SPRED2: variants seen among roughly 807,000 people sequenced by gnomAD.
SPRED2 encodes the protein sprouty-related, EVH1 domain-containing protein 2.
A neutral mutation model predicts 43.0 loss-of-function variants in SPRED2; 47 were observed. That is an observed-to-expected ratio of 1.09 (90% confidence interval 0.87 to 1.40). The LOEUF (loss-of-function observed/expected upper bound fraction) is 1.40. Ranked by LOEUF, SPRED2 falls within the 40% of genes most tolerant of loss-of-function variation. The pLI, the probability that SPRED2 is intolerant of heterozygous loss-of-function variation, is 0.00. For missense variants in SPRED2, 561 were observed against 586.4 expected (o/e 0.96, Z 0.45); for synonymous variants, 225 against 225.7 (o/e 1.00, Z 0.03).
At chr2:65,414,762 ATCT>A (rs753936931) in intron 1 of SPRED2, among the ~76,000 whole-genome samples, 3 of 152,214 alleles carry the variant, frequency 2.0e-5, no homozygotes, top group South Asian at 2.1e-4. Flanking sequence ...CTCAAAGTTG[ATCT>A]TCTTTAAATT....
rs61741513 is a variant in SPRED2 at position 65,344,863 on chromosome 2, A to G, written c.60T>C (p.Val20=). ...DSYIVRVKAV[V]MTRDDSSGGW... ...CCCCGCTGGAGTCATCTCTGGTCAT[A>G]ACCACAGCCTTGACACGCACAATAT... Residue 20 remains valine (V), a synonymous_variant, in exon 2 of 6, where the codon GTT becomes GTC. Coordinates refer to ENST00000356388, the MANE Select transcript of SPRED2 (RefSeq NM_181784.3). The G allele has an allele frequency of 0.025, 39,890 of 1,614,094 alleles. 647 individuals are homozygous for G. Among genetic ancestry groups the G allele is most frequent in the Middle Eastern group, 0.042 (256 of 6,062 alleles).
chr2:65,431,063 A>G (rs1292955351), intron 1 of SPRED2, among the ~76,000 whole-genome samples: 1 of 151,988 alleles, frequency 6.6e-6, no homozygotes. Context: ...GCGAGGCAGG[A>G]GGCAGCTGCA....
intron 1 of SPRED2, among the ~76,000 whole-genome samples, chr2:65,394,142 A>C (rs1249063752): frequency 1.3e-5 from 2 of 152,196 alleles, no homozygotes; most frequent in Admixed American, 6.5e-5. Context: ...TCTCCCTCAT[A>C]TGTAAATTTT....
chr2:65,340,245 G>A (rs1447209643), intron 2 of SPRED2, among the ~76,000 whole-genome samples: 8 of 152,192 alleles, frequency 5.3e-5, no homozygotes, highest in Admixed American at 1.3e-4. Flanking sequence ...ATTTTGGAGT[G>A]TAAAGGGATC....
At chr2:65,328,585 C>T (rs1053419572) in intron 4 of SPRED2, among the ~76,000 whole-genome samples, 9 of 152,140 alleles carry the variant, frequency 5.9e-5, no homozygotes, top group South Asian at 2.1e-4. Flanking sequence ...ATGCCAGGGA[C>T]AGTAATGGTT....
intron 1 of SPRED2, chr2:65,377,472 C>T: frequency 2.4e-6 from 1 of 422,166 alleles, no homozygotes; most frequent in South Asian, 1.7e-5. Context: ...TTGCCGACCC[C>T]CCAAAGCCTC....
chr2:65,399,353 G>C (rs1279140933), intron 1 of SPRED2, among the ~76,000 whole-genome samples: 1 of 149,428 alleles, frequency 6.7e-6, no homozygotes, highest in Non-Finnish European at 1.5e-5. Context: ...GGCATTTGCA[G>C]CAACCTGGAT....
intron 1 of SPRED2, among the ~76,000 whole-genome samples, chr2:65,431,513 A>C (rs892886032): frequency 3.3e-5 from 5 of 152,230 alleles, no homozygotes; most frequent in Non-Finnish European, 5.9e-5. Context: ...GAAATGGCGG[A>C]GCCTAGGCCC....
In SPRED2 at chr2:65,347,647, T is replaced by C. The variant is rs541819324; in HGVS notation, c.27-2751A>G. Among the ~76,000 whole-genome samples, 6 of 152,224 alleles carry C rather than the reference T, an allele frequency of 3.9e-5. No individual in the cohort carries two copies. The East Asian group carries it at 1.2e-3, about 30-fold the overall frequency. On this transcript the variant is annotated intron_variant, in intron 1 of 5. Transcript: ENST00000356388. The stretch of plus-strand genomic sequence containing the variant: ...ATGATTCAAGCTAGGGCCAACTTCC[T>C]CCACTTAAAAACCTTCTACATACCA...
At chr2:65,389,712 C>A (rs1018610827) in intron 1 of SPRED2, among the ~76,000 whole-genome samples, 3 of 152,114 alleles carry the variant, frequency 2.0e-5, no homozygotes, top group Admixed American at 6.5e-5. Flanking sequence ...GAAATTCTGA[C>A]AAGTTCAGAC....
intron 1 of SPRED2, among the ~76,000 whole-genome samples, chr2:65,406,739 AC>A (rs1676032656): frequency 6.6e-6 from 1 of 151,946 alleles, no homozygotes; most frequent in South Asian, 2.1e-4. Flanking sequence ...TTTCCTTTCC[AC>A]CCTTGCAGGA....
intron 1 of SPRED2, among the ~76,000 whole-genome samples, chr2:65,393,811 TTCATTCA>T: frequency 6.6e-6 from 1 of 152,318 alleles, no homozygotes; most frequent in African/African-American, 2.4e-5. Context: ...AATTCATTTA[TTCATTCA>T]TTCAGTCATT....
chr2:65,365,639 C>A (rs1345395031), intron 1 of SPRED2, among the ~76,000 whole-genome samples: 1 of 152,098 alleles, frequency 6.6e-6, no homozygotes, highest in African/African-American at 2.4e-5. Context: ...TGTTATAGGT[C>A]CTGACCTAGC....
chr2:65,405,580 A>T (rs1378708536), intron 1 of SPRED2, among the ~76,000 whole-genome samples: 1 of 152,114 alleles, frequency 6.6e-6, no homozygotes, highest in Non-Finnish European at 1.5e-5. Context: ...TCCAATACAC[A>T]CACCTGAACT....
At chr2:65,376,778 A>C (rs1435530303) in intron 1 of SPRED2, among the ~76,000 whole-genome samples, 1 of 152,012 alleles carries the variant, frequency 6.6e-6, no homozygotes, top group Non-Finnish European at 1.5e-5. Flanking sequence ...GCAGTGGCGC[A>C]ATCTCGGCTC....
chr2:65,401,424 A>G (rs912201737), intron 1 of SPRED2, among the ~76,000 whole-genome samples: 11 of 152,152 alleles, frequency 7.2e-5, no homozygotes, highest in African/African-American at 2.7e-4. Context: ...AAACAGATTT[A>G]CAGTTAGTTG....
At chr2:65,316,252 C>T (rs1002851346) in intron 5 of SPRED2, among the ~76,000 whole-genome samples, 2 of 152,212 alleles carry the variant, frequency 1.3e-5, no homozygotes, top group Non-Finnish European at 2.9e-5. Flanking sequence ...AAGACTGGGC[C>T]TGTAGCCTGT....
At chr2:65,370,269 A>G (rs1405293178) in intron 1 of SPRED2, among the ~76,000 whole-genome samples, 2 of 152,244 alleles carry the variant, frequency 1.3e-5, no homozygotes, top group Non-Finnish European at 2.9e-5. Flanking sequence ...ACCATTCGCA[A>G]CAAGTACTTA....
chr2:65,354,204 GA>G (rs1392722254), intron 1 of SPRED2, among the ~76,000 whole-genome samples: 1 of 152,184 alleles, frequency 6.6e-6, no homozygotes, highest in Non-Finnish European at 1.5e-5. Context: ...TGGTAAGCTT[GA>G]AAAACCTACT....
Sources: gnomAD v4.1 joint callset for allele counts (sites outside exome capture counted in the v4.1 genomes callset) on GRCh38, gnomAD v4.1.1 for gene constraint, MANE v1.5 for transcripts, NCBI Gene and HGNC (gene_info 2026-07-23, HGNC 2026-07-21) for gene names.